Variants in RGS7 observed in about 807,000 individuals in gnomAD.
RGS7 encodes regulator of G-protein signaling 7.
In RGS7, 27 loss-of-function variants were observed where a neutral mutation model predicts 81.1. The ratio of observed to expected loss-of-function variants is 0.33; its 90% confidence interval spans 0.25 to 0.46. The LOEUF (loss-of-function observed/expected upper bound fraction) is 0.46. Ranked by LOEUF, RGS7 falls within the 20% of genes least tolerant of loss-of-function variation. The pLI, the probability that RGS7 is intolerant of heterozygous loss-of-function variation, is 1.00. For missense variants in RGS7, 396 were observed against 607.4 expected, an observed-to-expected ratio of 0.65 and a Z score of 3.66; for synonymous variants, 208 against 207.7, an observed-to-expected ratio of 1.00 and a Z score of -0.01.
At chr1:241,083,836 CTCTT>C (rs1465244619) in intron 3 of RGS7, among the ~76,000 whole-genome samples, 7 of 152,098 alleles carry the variant, frequency 4.6e-5, no homozygotes, top group Non-Finnish European at 1.0e-4. Flanking sequence ...ATCTATTTCT[CTCTT>C]AATTTCTATA....
downstream of RGS7, among the ~76,000 whole-genome samples, chr1:240,775,191 G>A (rs1471090270): frequency 6.6e-6 from 1 of 152,152 alleles, no homozygotes; most frequent in Non-Finnish European, 1.5e-5. Context: ...TCACACTCAA[G>A]CTTAATTCAA....
chr1:241,166,840 A>G (rs1456003207), intron 2 of RGS7, among the ~76,000 whole-genome samples: 2 of 152,204 alleles, frequency 1.3e-5, no homozygotes, highest in Non-Finnish European at 2.9e-5. Flanking sequence ...CAGAGGGCAC[A>G]AAGAGAGTGA....
intron 2 of RGS7, among the ~76,000 whole-genome samples, chr1:241,286,550 A>G (rs2078821662): frequency 6.6e-6 from 1 of 152,086 alleles, no homozygotes; most frequent in African/African-American, 2.4e-5. Context: ...GACTGCACAA[A>G]CTATCTGCCT....
At chr1:240,909,205 A>G (rs1459231755) in intron 6 of RGS7, among the ~76,000 whole-genome samples, 1 of 152,194 alleles carries the variant, frequency 6.6e-6, no homozygotes. Flanking sequence ...TGTTTATGTT[A>G]TCCTCATCAA....
intron 18 of RGS7, among the ~76,000 whole-genome samples, chr1:240,788,348 C>T (rs1395427595): frequency 6.6e-6 from 1 of 152,128 alleles, no homozygotes; most frequent in Non-Finnish European, 1.5e-5. Flanking sequence ...TGGGTGGTTG[C>T]AGAAATGTGA....
At chr1:241,193,108 G>A (rs1392813208) in intron 2 of RGS7, among the ~76,000 whole-genome samples, 3 of 152,156 alleles carry the variant, frequency 2.0e-5, no homozygotes, top group East Asian at 3.9e-4. Context: ...TAACACAAAT[G>A]TTTGTATTGG....
chr1:240,990,418 T>C (rs1424795619), intron 3 of RGS7, among the ~76,000 whole-genome samples: 1 of 152,170 alleles, frequency 6.6e-6, no homozygotes, highest in African/African-American at 2.4e-5. Flanking sequence ...CTTATTATAG[T>C]CCCGTAAAGC....
At chr1:240,799,249 T>C (rs1321016431) in intron 18 of RGS7, among the ~76,000 whole-genome samples, 1 of 70,042 alleles carries the variant, frequency 1.4e-5, no homozygotes, top group African/African-American at 4.9e-5. Flanking sequence ...GTTATTATTA[T>C]GGTTTGTGTG....
chr1:240,866,308 G>A (rs541036436), intron 9 of RGS7, among the ~76,000 whole-genome samples: 3 of 152,042 alleles, frequency 2.0e-5, no homozygotes, highest in South Asian at 2.1e-4. Flanking sequence ...TCAGGAGATC[G>A]AGATCATCCT....
chr1:241,320,865 T>C (rs181416405), intron 2 of RGS7, among the ~76,000 whole-genome samples: 4 of 152,338 alleles, frequency 2.6e-5, no homozygotes, highest in Admixed American at 1.3e-4. Context: ...TCCAACACTG[T>C]GTTAAACTAA....
At chr1:241,128,194 G>A (rs1342929915) in intron 2 of RGS7, among the ~76,000 whole-genome samples, 1 of 151,298 alleles carries the variant, frequency 6.6e-6, no homozygotes, top group African/African-American at 2.4e-5. Flanking sequence ...GGAGAATGAC[G>A]TGAACCGGGA....
At chr1:241,148,623 G>A (rs1004599122) in intron 2 of RGS7, among the ~76,000 whole-genome samples, 4 of 152,112 alleles carry the variant, frequency 2.6e-5, no homozygotes, top group Admixed American at 1.3e-4. Context: ...GGGTGACCTC[G>A]GGCAAGTCAC....
At chr1:241,245,024 G>T (rs980872217) in intron 2 of RGS7, among the ~76,000 whole-genome samples, 35 of 151,530 alleles carry the variant, frequency 2.3e-4, no homozygotes, top group African/African-American at 8.3e-4. Flanking sequence ...GAGTTAATGG[G>T]TGCAGCACAC....
chr1:241,101,855 A>T (rs1397820443), intron 2 of RGS7, among the ~76,000 whole-genome samples: 1 of 152,158 alleles, frequency 6.6e-6, no homozygotes, highest in Non-Finnish European at 1.5e-5. Flanking sequence ...GCACCTAGAG[A>T]TGTGGCAGCA....
intron 3 of RGS7, among the ~76,000 whole-genome samples, chr1:240,995,298 T>A (rs1687097289): frequency 6.6e-6 from 1 of 152,176 alleles, no homozygotes; most frequent in Non-Finnish European, 1.5e-5. Flanking sequence ...TGTTGTGTTC[T>A]TTTCTCTACG....
chr1:240,777,416 A>T (rs1683158874), intron 18 of RGS7, among the ~76,000 whole-genome samples: 1 of 152,220 alleles, frequency 6.6e-6, no homozygotes, highest in South Asian at 2.1e-4. Context: ...ACATCTCAGA[A>T]GATAAGTAAA....
At chr1:240,931,895 A>G (rs975990606) in intron 5 of RGS7, among the ~76,000 whole-genome samples, 1 of 152,202 alleles carries the variant, frequency 6.6e-6, no homozygotes, top group Admixed American at 6.5e-5. Flanking sequence ...CTGACCACGA[A>G]GAAACCTGAT....
intron 3 of RGS7, among the ~76,000 whole-genome samples, chr1:240,995,827 C>G (rs147842676): frequency 1.0e-4 from 15 of 149,416 alleles, no homozygotes; most frequent in Non-Finnish European, 1.8e-4. Context: ...GATTTATGCT[C>G]TTTATTATTT....
At position 241,130,927 on chromosome 1, in the gene RGS7, C is replaced by CAA. The variant is rs11365447; in HGVS notation, c.79-32167_79-32166dup. On this transcript the variant is annotated intron_variant, in intron 2 of 18. Coordinates refer to ENST00000440928, the MANE Select transcript of RGS7 (RefSeq NM_001364886.1). ...AATAATAGGATAAAAGGCTTAATTACAAAAAAAAAAAAAAAAAACCAAGAG... is the reference window on the plus strand; with the variant it reads ...AATAATAGGATAAAAGGCTTAATTACAAAAAAAAAAAAAAAAAAAACCAAGAG... 2.4e-3 allele frequency among the ~76,000 whole-genome samples: 212 copies of CAA among 90,150 alleles called. 4 individuals carry two copies. The highest frequency in any genetic ancestry group is 6.4e-3 in the Middle Eastern group (1 of 156). The allele number at this position is 90,150 out of a possible 152,430, so 59.1% of individuals were successfully genotyped here.
Sources: gnomAD v4.1 joint callset for allele counts (sites outside exome capture counted in the v4.1 genomes callset) on GRCh38, gnomAD v4.1.1 for gene constraint, MANE v1.5 for transcripts, NCBI Gene and HGNC (gene_info 2026-07-23, HGNC 2026-07-21) for gene names.